The following CUL5 variants were observed in gnomAD, a reference collection of about 807,000 sequenced individuals.
CUL5 encodes the protein cullin 5.
CUL5 carries 26 observed loss-of-function variants against 108.8 expected under a neutral mutation model. That is an observed-to-expected ratio of 0.24 (90% CI 0.18 to 0.33). CUL5 has a LOEUF of 0.33. Ranked by LOEUF, CUL5 falls within the 10% of genes least tolerant of loss-of-function variation. The pLI is 1.00. For synonymous variants in CUL5, 334 were observed against 298.0 expected, an observed-to-expected ratio of 1.12 and a Z score of -1.25; for missense variants, 524 against 909.2, an observed-to-expected ratio of 0.58 and a Z score of 5.45.
chr11:108,017,826 G>A lies in CUL5; in HGVS notation c.24+8454G>A, dbSNP rs139205036. On this transcript the variant is annotated intron_variant, in intron 1 of 18. Coordinates refer to ENST00000393094, the MANE Select transcript of CUL5 (RefSeq NM_003478.6). ...TATGCTGCTGCACTCTAGCCTGGACGACAGAGTGAGACCCTGTCTCAAAAA... is the reference window on the plus strand; with the variant it reads ...TATGCTGCTGCACTCTAGCCTGGACAACAGAGTGAGACCCTGTCTCAAAAA... Among the ~76,000 whole-genome samples the A allele has an allele frequency of 6.2e-3, 943 of 152,114 alleles. 5 individuals carry two copies. The highest frequency in any genetic ancestry group is 9.9e-3 in the Non-Finnish European group (670 of 68,006).
At chr11:108,014,251 G>A (rs750231324) in intron 1 of CUL5, among the ~76,000 whole-genome samples, 1 of 152,134 alleles carries the variant, frequency 6.6e-6, no homozygotes, top group Non-Finnish European at 1.5e-5. Context: ...GAGAAAATTT[G>A]GTAGGAATCT....
In CUL5 at chr11:108,106,584, T is replaced by C. The variant is rs1864807941; in HGVS notation, c.*2200T>C. 6.6e-6 allele frequency: 1 copy of C among 151,796 alleles called. No homozygotes were observed. The highest frequency in any genetic ancestry group is 3.2e-3 in the Middle Eastern group (1 of 316). 9.4% of individuals were successfully genotyped at this position (151,796 alleles called of 1,614,324 possible). On this transcript the variant is annotated 3_prime_UTR_variant, in exon 19 of 19. Transcript: ENST00000393094. The stretch of plus-strand genomic sequence containing the variant: ...ATGTATACAAAAGTTTTAACTACTT[T>C]TTGGTGTTTATGAAAATCATTTAGT...
intron 16 of CUL5, 124 bp from the exon 17 acceptor site, chr11:108,097,512 G>T (rs754304944): frequency 8.3e-6 from 5 of 600,410 alleles, no homozygotes; most frequent in Non-Finnish European, 1.5e-5. Flanking sequence ...ATTCATGGAA[G>T]TACCACACAT....
At chr11:108,010,104 C>G (rs138488259) in intron 1 of CUL5, among the ~76,000 whole-genome samples, 13 of 152,380 alleles carry the variant, frequency 8.5e-5, no homozygotes, top group Admixed American at 2.6e-4. Flanking sequence ...GGGGCAGATT[C>G]TCCACCAGTT....
At chr11:108,051,871 C>G (rs1434432667) in intron 4 of CUL5, among the ~76,000 whole-genome samples, 2 of 152,200 alleles carry the variant, frequency 1.3e-5, no homozygotes, top group African/African-American at 4.8e-5. Flanking sequence ...CTGAAATTTG[C>G]ACTATTATTT....
At chr11:108,026,589 C>T (rs1221757318) in intron 1 of CUL5, among the ~76,000 whole-genome samples, 1 of 152,124 alleles carries the variant, frequency 6.6e-6, no homozygotes, top group Non-Finnish European at 1.5e-5. Context: ...CTTGCCTATC[C>T]AGTGCAATTT....
chr11:108,106,993 A>T lies in CUL5; in HGVS notation c.*2609A>T, dbSNP rs908197768. 9 of 149,698 alleles carry T rather than the reference A, an allele frequency of 6.0e-5. No individual in the cohort carries two copies. The highest frequency in any genetic ancestry group is 2.2e-4 in the African/African-American group (9 of 40,546). 9.3% of individuals were successfully genotyped at this position (149,698 alleles called of 1,614,324 possible). A position where few individuals can be genotyped will look rare whatever the true frequency, so the allele number is the denominator to read the frequency against. On this transcript the variant is annotated 3_prime_UTR_variant, in exon 19 of 19. Transcript: ENST00000393094. ...TGTGTTGCCATCTCGTTGCCGGAGT[A>T]AGTAGACATAAGACAGAGTTTAAGA...
intron 8 of CUL5, among the ~76,000 whole-genome samples, chr11:108,071,616 G>A (rs982916244): frequency 7.2e-5 from 11 of 151,770 alleles, no homozygotes; most frequent in African/African-American, 1.7e-4. Context: ...GTGCAATCAC[G>A]GCTCACTGCA....
intron 11 of CUL5, among the ~76,000 whole-genome samples, chr11:108,083,912 G>C (rs1031736796): frequency 3.9e-5 from 6 of 152,176 alleles, no homozygotes; most frequent in African/African-American, 1.4e-4. Flanking sequence ...GGCTGCATGC[G>C]GCCCAGGACG....
rs201313802 is a variant in CUL5, at chr11:108,106,684, GAAAA to G, written c.*2307_*2310del. ...CAGATTTGCTAATTTAAAAAAAAAT[GAAAA>G]AAAAAATCTTACCAGCAGTTTGTAA... is the stretch of plus-strand genomic sequence containing the variant. On this transcript the variant is annotated 3_prime_UTR_variant, in exon 19 of 19. Transcript: ENST00000393094. The G allele has an allele frequency of 2.8e-5, 4 of 144,714 alleles. No individual in the cohort carries two copies. In the South Asian group the frequency reaches 6.6e-4, roughly 24 times the overall value. 9.0% of individuals were successfully genotyped at this position (144,714 alleles called of 1,614,324 possible).
In CUL5 at chr11:108,097,681, G is replaced by A. The variant is rs1259849353; in HGVS notation, c.1951G>A (p.Glu651Lys). Residue 651 changes from glutamate to lysine, a missense_variant, in exon 17 of 19, where the codon GAA becomes AAA. Glu to Lys is a moderately conservative substitution (Grantham distance 56, BLOSUM62 1). This residue lies in a region of CUL5 where 66 missense variants were observed against 81.4 expected (regional missense o/e 0.81). Coordinates refer to ENST00000393094, the MANE Select transcript of CUL5 (RefSeq NM_003478.6). ...ACTCAAACGGCAAGTTTTGTTGTAT[G>A]AACCTCAAGTCAACTCACCCAAAGA... is the stretch of plus-strand genomic sequence containing the variant. ...PKLKRQVLLYEPQVNSPKDFT... is the reference protein window; with the variant it reads ...PKLKRQVLLYKPQVNSPKDFT... 1 of 1,613,696 alleles carries A rather than the reference G, an allele frequency of 6.2e-7. No homozygotes were observed. Among genetic ancestry groups the A allele is most frequent in the South Asian group, 1.1e-5 (1 of 91,070 alleles).
At chr11:108,034,702 G>A (rs752569205) in intron 2 of CUL5, among the ~76,000 whole-genome samples, 5 of 152,084 alleles carry the variant, frequency 3.3e-5, no homozygotes, top group South Asian at 4.1e-4. Flanking sequence ...CTCCTCCTCC[G>A]CTGTCTCTTC....
chr11:108,039,688 G>A (rs1862843378), intron 2 of CUL5, among the ~76,000 whole-genome samples: 1 of 152,096 alleles, frequency 6.6e-6, no homozygotes, highest in Non-Finnish European at 1.5e-5. Flanking sequence ...TGCTTATCTA[G>A]ATAACTCATA....
chr11:108,088,498 C>A, intron 11 of CUL5, 29 bp from the exon 12 acceptor site: 2 of 1,567,562 alleles, frequency 1.3e-6, no homozygotes, highest in South Asian at 1.2e-5. Flanking sequence ...AATCATTTTT[C>A]CATCAACTGC....
rs115782802 is a variant in CUL5, at chr11:108,075,366, T to C, written c.1113+1869T>C. Among the ~76,000 whole-genome samples, 324 of 152,316 alleles carry C rather than the reference T, an allele frequency of 2.1e-3. 1 individual carries two copies. The highest frequency in any genetic ancestry group is 7.5e-3 in the African/African-American group (312 of 41,574). On this transcript the variant is annotated intron_variant, in intron 10 of 18. Transcript: ENST00000393094. The stretch of plus-strand genomic sequence containing the variant: ...CAAGTGTTGAGTTCTTGAAGTTTCC[T>C]GCCTGCCACTTGCATAGGCAACACA...
At chr11:108,054,424 A>G (rs986733449) in intron 5 of CUL5, among the ~76,000 whole-genome samples, 3 of 152,216 alleles carry the variant, frequency 2.0e-5, no homozygotes, top group African/African-American at 4.8e-5. Context: ...TACCTATGCA[A>G]AAATAGTCTA....
At chr11:108,014,965 C>T (rs896171068) in intron 1 of CUL5, among the ~76,000 whole-genome samples, 1 of 152,172 alleles carries the variant, frequency 6.6e-6, no homozygotes, top group African/African-American at 2.4e-5. Context: ...GTGGCACGAT[C>T]TTGGCTCACT....
chr11:108,085,026 A>AC (rs1447701181), intron 11 of CUL5: 1 of 152,276 alleles, frequency 6.6e-6, no homozygotes, highest in Non-Finnish European at 1.5e-5. Context: ...AAACAAACAA[A>AC]AGAAGGTCAA....
At chr11:108,046,169 T>G (rs1863063004) in intron 2 of CUL5, 101 bp from the exon 3 acceptor site, 2 of 744,340 alleles carry the variant, frequency 2.7e-6, no homozygotes, top group Admixed American at 5.7e-5. Context: ...TTTACTTGGT[T>G]CTAATATGGC....
Sources: gnomAD v4.1 joint callset for allele counts (sites outside exome capture counted in the v4.1 genomes callset) on GRCh38, gnomAD v4.1.1 for gene constraint, gnomAD v4.1.1 regional missense constraint, MANE v1.5 for transcripts, NCBI Gene and HGNC (gene_info 2026-07-23, HGNC 2026-07-21) for gene names.